Variants in ASAP1 observed in about 807,000 individuals in gnomAD.
ASAP1 encodes ArfGAP with SH3 domain, ankyrin repeat and PH domain 1.
ASAP1 carries 43 observed loss-of-function variants against 145.2 expected under a neutral mutation model. The observed-to-expected ratio is 0.30, with a 90% confidence interval of 0.23 to 0.38. The LOEUF (loss-of-function observed/expected upper bound fraction) is 0.38, where lower values mean the gene tolerates loss of function less well. Ranked by LOEUF, ASAP1 falls within the 10% of genes least tolerant of loss-of-function variation. The probability of loss-of-function intolerance (pLI) is 1.00; values close to 1 mark genes in which losing one functional copy is unlikely to be tolerated. For missense variants in ASAP1, 1,018 were observed against 1,355.3 expected (o/e 0.75, Z 3.91); for synonymous variants, 546 against 515.5 (o/e 1.06, Z -0.80).
chr8:130,385,466 G>C (rs2138428793), intron 2 of ASAP1, among the ~76,000 whole-genome samples: 1 of 152,344 alleles, frequency 6.6e-6, no homozygotes, highest in Admixed American at 6.5e-5. Context: ...GGGAGATGCT[G>C]GGTGCTAGAG....
intron 1 of ASAP1, among the ~76,000 whole-genome samples, chr8:130,408,793 T>C (rs968762164): frequency 4.6e-5 from 7 of 152,182 alleles, no homozygotes; most frequent in Non-Finnish European, 5.9e-5. Context: ...CAAAGTTACA[T>C]AACATTTCCC....
At chr8:130,299,960 C>T (rs527808535) in intron 3 of ASAP1, among the ~76,000 whole-genome samples, 1 of 152,070 alleles carries the variant, frequency 6.6e-6, no homozygotes, top group East Asian at 1.9e-4. Context: ...GATGGAGGGA[C>T]TGTGAAATGA....
chr8:130,315,482 C>T (rs1009053327), intron 3 of ASAP1, among the ~76,000 whole-genome samples: 3 of 152,116 alleles, frequency 2.0e-5, no homozygotes, highest in African/African-American at 7.2e-5. Context: ...AGAATTGCAA[C>T]AAATAGGAAG....
chr8:130,370,647 C>T (rs1403066356), intron 2 of ASAP1, among the ~76,000 whole-genome samples: 1 of 152,166 alleles, frequency 6.6e-6, no homozygotes, highest in Non-Finnish European at 1.5e-5. Context: ...ATGGAAACAG[C>T]TCAAACGTTC....
chr8:130,283,587 G>GAAAAAAAAAAA (rs71304303), intron 3 of ASAP1, among the ~76,000 whole-genome samples: 12 of 20,878 alleles, frequency 5.7e-4, no homozygotes, highest in African/African-American at 2.0e-3. Flanking sequence ...ATCACAGAAA[G>GAAAAAAAAAAA]AAAAAAAAAA....
chr8:130,118,543 A>T lies in ASAP1; in HGVS notation c.1740T>A (p.Ile580=), dbSNP rs773982388. 1 of 1,614,122 alleles carries T rather than the reference A, an allele frequency of 6.2e-7. No individual in the cohort carries two copies. The highest frequency in any genetic ancestry group is 8.5e-7 in the Non-Finnish European group (1 of 1,179,986). The change falls in exon 19 of 30, where the codon ATT becomes ATA. Residue 580 remains isoleucine (I), a synonymous_variant. Coordinates refer to ENST00000518721, the MANE Select transcript of ASAP1 (RefSeq NM_018482.4). ...GCTCTACCCCTTCTGCATAGACTTG[A>T]ATTAGTGCAAGTAAATCCCTGGATT... is the stretch of plus-strand genomic sequence containing the variant. ...AIKSRDLLAL[I]QVYAEGVELM... is the part of the protein sequence containing the mutation.
At chr8:130,252,993 G>A (rs538498079) in intron 3 of ASAP1, among the ~76,000 whole-genome samples, 5 of 152,198 alleles carry the variant, frequency 3.3e-5, no homozygotes, top group African/African-American at 9.6e-5. Context: ...CTTCCCACCA[G>A]TTCTAAGATC....
chr8:130,136,886 G>A (rs967100110), intron 14 of ASAP1, 65 bp downstream of exon 14: 33 of 1,360,754 alleles, frequency 2.4e-5, no homozygotes, highest in Admixed American at 5.0e-5. Context: ...TGCTGACCTG[G>A]AGAATGGAAA....
chr8:130,293,221 A>C (rs1048304546), intron 3 of ASAP1, among the ~76,000 whole-genome samples: 3 of 152,192 alleles, frequency 2.0e-5, no homozygotes, highest in Non-Finnish European at 4.4e-5. Context: ...TCTGACGAGG[A>C]GGCTCAGATT....
At chr8:130,248,135 T>G (rs959280224) in intron 3 of ASAP1, among the ~76,000 whole-genome samples, 1 of 152,114 alleles carries the variant, frequency 6.6e-6, no homozygotes, top group Non-Finnish European at 1.5e-5. Context: ...AGGAATAGTT[T>G]ATCTACCTGG....
intron 5 of ASAP1, among the ~76,000 whole-genome samples, chr8:130,191,421 C>T (rs933952636): frequency 3.2e-4 from 49 of 152,174 alleles, no homozygotes; most frequent in African/African-American, 1.2e-3. Flanking sequence ...CAACTGTCAG[C>T]CTGTCCATCC....
intron 4 of ASAP1, among the ~76,000 whole-genome samples, chr8:130,222,598 A>C (rs773029955): frequency 7.2e-5 from 11 of 152,188 alleles, no homozygotes; most frequent in South Asian, 6.2e-4. Context: ...TTCAGAATCC[A>C]CTATGTGAAA....
rs1368395510 is a variant in ASAP1 at position 130,322,347 on chromosome 8, TTC to T, written c.186+35668_186+35669del. On this transcript the variant is annotated intron_variant, in intron 3 of 29. Transcript: ENST00000518721. ...AAATGCTGTAACTAAACATGATTCC[TTC>T]TCTTAGATGCAAATAAATTATGGAG... Among the ~76,000 whole-genome samples the T allele has an allele frequency of 3.9e-5, 6 of 152,268 alleles. No individual in the cohort carries two copies. In the East Asian group the frequency reaches 1.2e-3, roughly 29 times the overall value.
At chr8:130,220,046 C>T (rs1817197910) in intron 4 of ASAP1, among the ~76,000 whole-genome samples, 2 of 152,170 alleles carry the variant, frequency 1.3e-5, no homozygotes, top group African/African-American at 4.8e-5. Context: ...ACATTGGCCA[C>T]CCAAAGTGCT....
chr8:130,057,826 G>T, intron 29 of ASAP1, 128 bp downstream of exon 29: 1 of 1,192,884 alleles, frequency 8.4e-7, no homozygotes, highest in Non-Finnish European at 1.2e-6. Flanking sequence ...TTGGGTGAGT[G>T]ATGCAGCTGA....
chr8:130,332,852 A>G (rs908621066), intron 3 of ASAP1, among the ~76,000 whole-genome samples: 1 of 152,038 alleles, frequency 6.6e-6, no homozygotes, highest in Non-Finnish European at 1.5e-5. Flanking sequence ...TTATTTTTGT[A>G]AAAAAAATTT....
rs142656511 is a variant in ASAP1, at chr8:130,350,853, A to G, written c.186+7164T>C. ...GCAGACAGCCAGACAGCCCTGAAGA[A>G]ACTGCAACTGAGAGTAGTGGTTCTT... On this transcript the variant is annotated intron_variant, in intron 3 of 29. Coordinates refer to ENST00000518721, the MANE Select transcript of ASAP1 (RefSeq NM_018482.4). Among the ~76,000 whole-genome samples, 285 of 152,370 alleles carry G rather than the reference A, an allele frequency of 1.9e-3. 2 individuals carry two copies. Among genetic ancestry groups the G allele is most frequent in the Admixed American group, 4.7e-3 (72 of 15,298 alleles).
intron 4 of ASAP1, among the ~76,000 whole-genome samples, chr8:130,230,123 G>C (rs767904500): frequency 6.6e-6 from 1 of 151,946 alleles, no homozygotes; most frequent in Admixed American, 6.6e-5. Flanking sequence ...CCAAACTAGC[G>C]GTCGTGGGAT....
intron 2 of ASAP1, among the ~76,000 whole-genome samples, chr8:130,368,562 C>T (rs1827068966): frequency 6.6e-6 from 1 of 152,166 alleles, no homozygotes; most frequent in African/African-American, 2.4e-5. Flanking sequence ...TTCCAGAATC[C>T]TGATAACAGC....
Sources: gnomAD v4.1 joint callset for allele counts (sites outside exome capture counted in the v4.1 genomes callset) on GRCh38, gnomAD v4.1.1 for gene constraint, MANE v1.5 for transcripts, NCBI Gene and HGNC (gene_info 2026-07-23, HGNC 2026-07-21) for gene names.